The following ELOVL6 variants were observed in gnomAD, a reference collection of about 807,000 sequenced individuals.
ELOVL6 encodes the protein very long chain fatty acid elongase 6.
In ELOVL6, 8 loss-of-function variants were observed where a neutral mutation model predicts 31.7. The ratio of observed to expected loss-of-function variants is 0.25; its 90% CI spans 0.15 to 0.45. The LOEUF is 0.45. ELOVL6 is among the 20% of genes least tolerant of loss of function. ELOVL6 has a pLI of 1.00. For missense variants in ELOVL6, 126 were observed against 326.4 expected, an observed-to-expected ratio of 0.39 and a Z score of 4.73; for synonymous variants, 101 against 117.7, an observed-to-expected ratio of 0.86 and a Z score of 0.92.
At chr4:110,164,294 C>T (rs1475612510) in intron 1 of ELOVL6, among the ~76,000 whole-genome samples, 2 of 152,160 alleles carry the variant, frequency 1.3e-5, no homozygotes, top group Non-Finnish European at 1.5e-5. Flanking sequence ...GAGTTTGATA[C>T]ACTGCTGCCC....
intron 1 of ELOVL6, among the ~76,000 whole-genome samples, chr4:110,179,378 T>C (rs1031753036): frequency 6.6e-6 from 1 of 152,114 alleles, no homozygotes; most frequent in African/African-American, 2.4e-5. Flanking sequence ...TGGTGGCACA[T>C]GCCTGTAATC....
intron 3 of ELOVL6, among the ~76,000 whole-genome samples, chr4:110,056,048 A>T (rs1372592262): frequency 6.7e-6 from 1 of 149,836 alleles, no homozygotes; most frequent in African/African-American, 2.5e-5. Context: ...TTGATGGAGT[A>T]ATGGTTGCTC....
chr4:110,093,415 A>G (rs1370388680), intron 2 of ELOVL6, among the ~76,000 whole-genome samples: 1 of 152,232 alleles, frequency 6.6e-6, no homozygotes, highest in South Asian at 2.1e-4. Flanking sequence ...CTAATTGTAC[A>G]TAAGCAATTC....
At chr4:110,161,201 C>T (rs1758620857) in intron 1 of ELOVL6, among the ~76,000 whole-genome samples, 2 of 152,008 alleles carry the variant, frequency 1.3e-5, no homozygotes, top group South Asian at 4.2e-4. Context: ...TGCAGAAGCT[C>T]GTAGTTTACT....
At chr4:110,073,679 A>G (rs1372415178) in intron 2 of ELOVL6, among the ~76,000 whole-genome samples, 1 of 152,164 alleles carries the variant, frequency 6.6e-6, no homozygotes, top group Non-Finnish European at 1.5e-5. Flanking sequence ...ATTGAGGAAC[A>G]AGGAAAATTC....
At chr4:110,155,755 G>T (rs1033141200) in intron 1 of ELOVL6, among the ~76,000 whole-genome samples, 1 of 151,994 alleles carries the variant, frequency 6.6e-6, no homozygotes, top group Non-Finnish European at 1.5e-5. Flanking sequence ...CAACCTCCTC[G>T]TATCTAACAT....
At chr4:110,156,729 C>T (rs1478239250) in intron 1 of ELOVL6, among the ~76,000 whole-genome samples, 2 of 152,140 alleles carry the variant, frequency 1.3e-5, no homozygotes, top group African/African-American at 4.8e-5. Flanking sequence ...AAAGCACATG[C>T]TTCTTTTTCA....
At chr4:110,123,134 T>C (rs900289304) in intron 1 of ELOVL6, among the ~76,000 whole-genome samples, 4 of 152,236 alleles carry the variant, frequency 2.6e-5, no homozygotes, top group African/African-American at 4.8e-5. Context: ...ATTTGATTTT[T>C]TAAATCTTGT....
At chr4:110,149,156 C>A (rs1280520182) in intron 1 of ELOVL6, among the ~76,000 whole-genome samples, 2 of 152,142 alleles carry the variant, frequency 1.3e-5, no homozygotes, top group African/African-American at 4.8e-5. Context: ...GCCACCGCAC[C>A]CAGCTCTTCT....
intron 1 of ELOVL6, among the ~76,000 whole-genome samples, chr4:110,177,468 A>C (rs1015587573): frequency 1.3e-5 from 2 of 151,600 alleles, no homozygotes; most frequent in Non-Finnish European, 2.9e-5. Flanking sequence ...AATAATAATA[A>C]TAATAAAATA....
chr4:110,084,531 T>TACACAC (rs67665852), intron 2 of ELOVL6, among the ~76,000 whole-genome samples: 12 of 70,352 alleles, frequency 1.7e-4, no homozygotes, highest in East Asian at 5.2e-4. Context: ...TATATACACT[T>TACACAC]ACACACACAC....
At position 110,197,707 on chromosome 4, in the gene ELOVL6, G is replaced by T. The variant is rs543126076; in HGVS notation, c.89+540C>A. On this transcript the variant is annotated intron_variant, in intron 1 of 3. Coordinates refer to ENST00000302274, the MANE Select transcript of ELOVL6 (RefSeq NM_024090.3). ...GCCTGAGGAGCGGCAGACAGAGGAG[G>T]ACGGTGAAGTAGGAGCGCTGCAAGG... is the stretch of plus-strand genomic sequence containing the variant. Among the ~76,000 whole-genome samples the T allele has an allele frequency of 4.6e-5, 7 of 152,172 alleles. No individual in the cohort carries two copies. The East Asian group carries it at 1.4e-3, about 30-fold the overall frequency.
intron 1 of ELOVL6, among the ~76,000 whole-genome samples, chr4:110,182,018 T>A (rs1384228274): frequency 6.6e-6 from 1 of 152,212 alleles, no homozygotes; most frequent in Non-Finnish European, 1.5e-5. Context: ...GCAGCATCTG[T>A]TTCCAGGTGC....
At chr4:110,080,468 T>C (rs1755804508) in intron 2 of ELOVL6, among the ~76,000 whole-genome samples, 1 of 152,164 alleles carries the variant, frequency 6.6e-6, no homozygotes, top group Admixed American at 6.5e-5. Flanking sequence ...ATCCAGGCTA[T>C]AAACAAAACC....
chr4:110,079,104 C>T (rs1411999348), intron 2 of ELOVL6, among the ~76,000 whole-genome samples: 1 of 150,066 alleles, frequency 6.7e-6, no homozygotes, highest in East Asian at 1.9e-4. Context: ...TCCTTAGAGA[C>T]CTACAAAGAG....
chr4:110,097,530 A>G (rs1756619016), intron 2 of ELOVL6, among the ~76,000 whole-genome samples: 1 of 152,102 alleles, frequency 6.6e-6, no homozygotes, highest in African/African-American at 2.4e-5. Context: ...TTGGGCTTTT[A>G]AATAATAATA....
intron 1 of ELOVL6, among the ~76,000 whole-genome samples, chr4:110,156,232 G>A (rs1050715561): frequency 1.3e-5 from 2 of 152,134 alleles, no homozygotes; most frequent in African/African-American, 2.4e-5. Flanking sequence ...TCTGGAGTGA[G>A]AAGCTGTGTC....
At chr4:110,150,600 T>C (rs769829178) in intron 1 of ELOVL6, among the ~76,000 whole-genome samples, 2 of 152,204 alleles carry the variant, frequency 1.3e-5, no homozygotes, top group Non-Finnish European at 2.9e-5. Flanking sequence ...AAACTAAAAA[T>C]GCTTAAAATT....
Position 110,198,535 on chromosome 4 carries a change from C to T in ELOVL6, c.-200G>A, listed in dbSNP as rs1359810271. ...GCTGAGCATTGCCTGCGCCTCCGCT[C>T]CCAGCTCCTCTCTCTGGGGCTCTCC... is the stretch of plus-strand genomic sequence containing the variant. On this transcript the variant is annotated 5_prime_UTR_variant, in exon 1 of 4. Transcript: ENST00000302274. The T allele has an allele frequency of 1.9e-6, 1 of 539,690 alleles. No homozygotes were observed. The highest frequency in any genetic ancestry group is 3.3e-6 in the Non-Finnish European group (1 of 306,512). 33.4% of individuals were successfully genotyped at this position (539,690 alleles called of 1,614,324 possible).
Sources: gnomAD v4.1 joint callset for allele counts (sites outside exome capture counted in the v4.1 genomes callset) on GRCh38, gnomAD v4.1.1 for gene constraint, MANE v1.5 for transcripts, NCBI Gene and HGNC (gene_info 2026-07-23, HGNC 2026-07-21) for gene names.